Variants in CCDC200 observed in about 807,000 individuals in gnomAD.
CCDC200 encodes the protein coiled-coil domain-containing protein 200.
Position 43,225,693 on chromosome 17 carries a change from T to TATATATATATATATATATATATAAAA in CCDC200, c.106-1145_106-1144insTTTTATATATATATATATATATATAT, listed in dbSNP as rs1282739067. 9.3e-4 allele frequency among the ~76,000 whole-genome samples: 27 copies of TATATATATATATATATATATATAAAA among 28,958 alleles called. 4 individuals are homozygous for TATATATATATATATATATATATAAAA. The highest frequency in any genetic ancestry group is 4.5e-3 in the Non-Finnish European group (20 of 4,430). The allele number at this position is 28,958 out of a possible 152,430, so 19.0% of individuals were successfully genotyped here. A position where few individuals can be genotyped will look rare whatever the true frequency, so the allele number is the denominator to read the frequency against. On this transcript the variant is annotated intron_variant, in intron 1 of 3. Transcript: ENST00000636331. Reference sequence around the variant, plus strand: ...AAAAAAAAAAAAGTATATATATATATTGCATGCTACATGTGTAATTTTAAA... The same window carrying TATATATATATATATATATATATAAAA: ...AAAAAAAAAAAAGTATATATATATATATATATATATATATATATATATAAAATGCATGCTACATGTGTAATTTTAAA...
At chr17:43,222,471 TC>T (rs1261384807) in intron 3 of CCDC200, among the ~76,000 whole-genome samples, 1 of 152,140 alleles carries the variant, frequency 6.6e-6, no homozygotes, top group Non-Finnish European at 1.5e-5. Context: ...CTGGCCCCTT[TC>T]CTTTATTAAT....
At chr17:43,226,177 G>C (rs1328030577) in intron 1 of CCDC200, 2 of 151,958 alleles carry the variant, frequency 1.3e-5, no homozygotes, top group East Asian at 3.9e-4. Context: ...AGTGAGACCT[G>C]GTCTTTACAA....
chr17:43,227,109 G>A (rs558629980), intron 1 of CCDC200, among the ~76,000 whole-genome samples: 1 of 152,044 alleles, frequency 6.6e-6, no homozygotes, highest in East Asian at 1.9e-4. Context: ...CTCCCGAGTA[G>A]CTGGGATTAC....
chr17:43,225,059 T>C (rs1217652567), intron 1 of CCDC200: 1 of 151,222 alleles, frequency 6.6e-6, no homozygotes, highest in Non-Finnish European at 1.5e-5. Context: ...AGACAGGGAC[T>C]CATTATGTTG....
chr17:43,227,339 A>G (rs2154582823), intron 1 of CCDC200, among the ~76,000 whole-genome samples: 1 of 152,262 alleles, frequency 6.6e-6, no homozygotes, highest in African/African-American at 2.4e-5. Context: ...AAGTGAATTA[A>G]TTAATTAAAG....
In CCDC200 at chr17:43,221,497, C is replaced by G. The variant is rs1001284195; in HGVS notation, c.*74G>C. 1.3e-5 allele frequency: 2 copies of G among 152,590 alleles called. No homozygotes were observed. The highest frequency in any genetic ancestry group is 2.9e-5 in the Non-Finnish European group (2 of 68,066). The allele number at this position is 152,590 out of a possible 1,614,324, so 9.5% of individuals were successfully genotyped here. A position where few individuals can be genotyped will look rare whatever the true frequency, so the allele number is the denominator to read the frequency against. On this transcript the variant is annotated 3_prime_UTR_variant, in exon 4 of 4. Coordinates refer to ENST00000636331, the MANE Select transcript of CCDC200 (RefSeq NM_001363254.2). ...GGTGGCTTTTGGAGTGGAGATATTG[C>G]TGGATGCTGAGAAGATGTGGTTGCT...
At chr17:43,226,859 T>C (rs751648652) in intron 1 of CCDC200, among the ~76,000 whole-genome samples, 2 of 152,242 alleles carry the variant, frequency 1.3e-5, no homozygotes, top group Non-Finnish European at 2.9e-5. Context: ...AAATATTTCA[T>C]TGATTTAGAT....
intron 1 of CCDC200, among the ~76,000 whole-genome samples, chr17:43,225,735 C>CT (rs587736288): frequency 1.3e-3 from 60 of 46,090 alleles, no homozygotes; most frequent in African/African-American, 2.4e-3. Flanking sequence ...TTCTTTTTTT[C>CT]TTTTTTTTTT....
rs1207437264 is a variant in CCDC200 at position 43,224,492 on chromosome 17, T to C, written c.163A>G (p.Lys55Glu). 6.5e-6 allele frequency: 1 copy of C among 153,902 alleles called. No individual in the cohort carries two copies. The highest frequency in any genetic ancestry group is 1.5e-5 in the Non-Finnish European group (1 of 68,140). The allele number at this position is 153,902 out of a possible 1,614,324, so 9.5% of individuals were successfully genotyped here. Reference sequence around the variant, plus strand: ...GGTGGTTGCGGCACATTTAACTTCTTATGTGGCTGGAGTTTTTCCTCCGAT... The same window carrying C: ...GGTGGTTGCGGCACATTTAACTTCTCATGTGGCTGGAGTTTTTCCTCCGAT... The part of the protein sequence containing the change: ...QQSEEKLQPH[K>E]KLNVPQPPVA... Residue 55 changes from lysine to glutamate, a missense_variant, in exon 2 of 4, where the codon AAG (lysine) becomes GAG (glutamate). By Grantham distance (56) the Lys-to-Glu change is moderately conservative. Transcript: ENST00000636331.
chr17:43,223,056 C>G (rs1033319200), intron 3 of CCDC200, among the ~76,000 whole-genome samples: 8 of 151,550 alleles, frequency 5.3e-5, no homozygotes, highest in Non-Finnish European at 1.2e-4. Context: ...TGTGAGCCAC[C>G]GTGCCTGGCT....
chr17:43,226,405 T>G (rs974608236), intron 1 of CCDC200: 1 of 152,228 alleles, frequency 6.6e-6, no homozygotes, highest in Non-Finnish European at 1.5e-5. Context: ...ATTTATTTTT[T>G]TGTGTGCAAC....
intron 1 of CCDC200, among the ~76,000 whole-genome samples, chr17:43,225,661 T>TAAAA (rs1295343254): frequency 2.1e-3 from 42 of 20,156 alleles, no homozygotes; most frequent in African/African-American, 2.6e-3. Context: ...AGACTCCGTC[T>TAAAA]AAAAAAAAAA....
chr17:43,226,433 C>T (rs918714681), intron 1 of CCDC200: 17 of 152,296 alleles, frequency 1.1e-4, no homozygotes, highest in African/African-American at 3.4e-4. Context: ...CACTTTGTCT[C>T]GCAGGCTGGA....
At chr17:43,231,157 GAGAAA>G (rs2057594259), upstream of CCDC200, among the ~76,000 whole-genome samples, 1 of 101,886 alleles carries the variant, frequency 9.8e-6, no homozygotes. Context: ...AGATGCCACA[GAGAAA>G]AGACTTTACT....
chr17:43,225,894 A>AAGCTAATT (rs1389201291), intron 1 of CCDC200, among the ~76,000 whole-genome samples: 1 of 148,432 alleles, frequency 6.7e-6, no homozygotes, highest in African/African-American at 2.5e-5. Flanking sequence ...CCACCACGCC[A>AAGCTAATT]AGCTAATTTT....
At chr17:43,222,761 T>G (rs534458808) in intron 3 of CCDC200, among the ~76,000 whole-genome samples, 70 of 67,028 alleles carry the variant, frequency 1.0e-3, no homozygotes, top group African/African-American at 2.9e-3. Flanking sequence ...GCTAGTTTTG[T>G]TTTTTTTTTT....
chr17:43,230,777 G>A (rs1555617186), upstream of CCDC200, among the ~76,000 whole-genome samples: 26 of 80,944 alleles, frequency 3.2e-4, 2 homozygotes, highest in African/African-American at 8.2e-4. Flanking sequence ...TCAGGAGATC[G>A]AGACCATCCT....
rs569074184 is a variant in CCDC200 at position 43,227,496 on chromosome 17, T to A, written c.105+954A>T. On this transcript the variant is annotated intron_variant, in intron 1 of 3. Coordinates refer to ENST00000636331, the MANE Select transcript of CCDC200 (RefSeq NM_001363254.2). ...TAAAATCAAATAAAGTTTTTAATTTTTTTTTTGAGACAGAGTCTCACTCTG... is the reference window on the plus strand; with the variant it reads ...TAAAATCAAATAAAGTTTTTAATTTATTTTTTGAGACAGAGTCTCACTCTG... Among the ~76,000 whole-genome samples the A allele has an allele frequency of 7.4e-4, 112 of 152,100 alleles. 2 individuals are homozygous for A. Among genetic ancestry groups the A allele is most frequent in the African/African-American group, 2.6e-3 (107 of 41,518 alleles).
intron 1 of CCDC200, among the ~76,000 whole-genome samples, chr17:43,225,245 G>T (rs9747809): frequency 0.037 from 5,581 of 151,862 alleles, 342 homozygotes; most frequent in African/African-American, 0.13. Context: ...TGTTGCCTAG[G>T]TTGGTTTGGA....
Sources: gnomAD v4.1 joint callset for allele counts (sites outside exome capture counted in the v4.1 genomes callset) on GRCh38, gnomAD v4.1.1 for gene constraint, MANE v1.5 for transcripts, NCBI Gene and HGNC (gene_info 2026-07-23, HGNC 2026-07-21) for gene names.